The following CCR3 variants were observed in gnomAD, a reference collection of about 807,000 sequenced individuals.
CCR3 encodes C-C motif chemokine receptor 3.
For missense variants in CCR3, 419 were observed against 437.5 expected, an observed-to-expected ratio of 0.96 and a Z score of 0.38; for synonymous variants, 203 against 179.2, an observed-to-expected ratio of 1.13 and a Z score of -1.06.
chr3:46,251,453 C>T (rs35893577), intron 1 of CCR3, among the ~76,000 whole-genome samples: 25,885 of 151,844 alleles, frequency 0.17, 2,765 homozygotes, highest in East Asian at 0.27. Flanking sequence ...AAAAAGAGGC[C>T]GCTTACTGGA....
intron 1 of CCR3, among the ~76,000 whole-genome samples, chr3:46,251,730 G>A (rs1700317724): frequency 6.6e-6 from 1 of 152,120 alleles, no homozygotes. Context: ...GATAAGGGTG[G>A]GGCTGTTTTA....
At chr3:46,263,158 C>T (rs1368032740) in intron 1 of CCR3, among the ~76,000 whole-genome samples, 2 of 152,222 alleles carry the variant, frequency 1.3e-5, no homozygotes, top group African/African-American at 4.8e-5. Flanking sequence ...ATTAAAGACA[C>T]TACCCTCAAA....
intron 2 of CCR3, among the ~76,000 whole-genome samples, chr3:46,234,878 C>G (rs907247181): frequency 1.3e-5 from 2 of 152,232 alleles, no homozygotes; most frequent in Non-Finnish European, 2.9e-5. Flanking sequence ...AATTCTAAGG[C>G]TACAGTGAGT....
exon 2 of CCR3, chr3:46,210,879 G>A (rs2125921727): frequency 6.6e-6 from 1 of 152,356 alleles, no homozygotes; most frequent in South Asian, 2.1e-4. Context: ...TTGAGGCTGG[G>A]AAGAGGTGGA....
intron 1 of CCR3, among the ~76,000 whole-genome samples, chr3:46,258,949 G>C (rs1327412808): frequency 1.3e-5 from 2 of 152,048 alleles, no homozygotes; most frequent in Non-Finnish European, 2.9e-5. Context: ...TAAGATTTAG[G>C]GCTACAATTC....
intron 2 of CCR3, among the ~76,000 whole-genome samples, chr3:46,233,084 G>T (rs1575491671): frequency 6.6e-6 from 1 of 152,228 alleles, no homozygotes; most frequent in Non-Finnish European, 1.5e-5. Context: ...ACGTGTCTCA[G>T]CCTCCCAAAG....
At chr3:46,216,370 T>A (rs1699774845) in intron 2 of CCR3, among the ~76,000 whole-genome samples, 1 of 152,170 alleles carries the variant, frequency 6.6e-6, no homozygotes, top group African/African-American at 2.4e-5. Context: ...GAAGAATAAT[T>A]GGTGTGCCTG....
In CCR3 at chr3:46,266,085, G is replaced by T; in HGVS notation, c.927G>T (p.Arg309=). Residue 309 remains arginine (R), a synonymous_variant, in exon 2 of 2, where the codon CGG becomes CGT. Coordinates refer to ENST00000395940, the MANE Select transcript of CCR3 (RefSeq NM_178329.3). ...VIYAFVGERF[R]KYLRHFFHRH... ...ACGCCTTTGTTGGAGAGAGGTTCCG[G>T]AAGTACCTGCGCCACTTCTTCCACA... 1 of 1,613,986 alleles carries T rather than the reference G, an allele frequency of 6.2e-7. No homozygotes were observed. The highest frequency in any genetic ancestry group is 8.5e-7 in the Non-Finnish European group (1 of 1,179,998).
chr3:46,228,738 A>T (rs1437272941), intron 2 of CCR3, among the ~76,000 whole-genome samples: 1 of 152,270 alleles, frequency 6.6e-6, no homozygotes, highest in Non-Finnish European at 1.5e-5. Flanking sequence ...ATGGTGGGTC[A>T]TATAATCTTG....
At chr3:46,248,707 CCTAATGGGTGTCAGGGT>C (rs1700248100) in intron 1 of CCR3, among the ~76,000 whole-genome samples, 1 of 151,988 alleles carries the variant, frequency 6.6e-6, no homozygotes, top group East Asian at 1.9e-4. Flanking sequence ...ATTTGCTGAG[CCTAATGGGTGTCAGGGT>C]CAGTCTAAGT....
intron 2 of CCR3, among the ~76,000 whole-genome samples, chr3:46,235,403 A>G (rs950984367): frequency 4.6e-5 from 7 of 152,216 alleles, no homozygotes; most frequent in African/African-American, 1.4e-4. Context: ...TTGGAGGCGC[A>G]CTTCCTACAA....
At chr3:46,228,835 G>A (rs114515123) in intron 2 of CCR3, among the ~76,000 whole-genome samples, 2 of 152,206 alleles carry the variant, frequency 1.3e-5, no homozygotes, top group African/African-American at 4.8e-5. Context: ...CTTGGCATGT[G>A]CCTGCTCATC....
intron 1 of CCR3, among the ~76,000 whole-genome samples, chr3:46,255,026 A>G (rs1700390998): frequency 6.6e-6 from 1 of 151,260 alleles, no homozygotes; most frequent in South Asian, 2.1e-4. Flanking sequence ...TCAACAGCAT[A>G]AAGTGTTCTC....
intron 1 of CCR3, among the ~76,000 whole-genome samples, chr3:46,262,649 A>ATTAT (rs765084283): frequency 2.6e-5 from 4 of 151,768 alleles, no homozygotes; most frequent in Middle Eastern, 3.4e-3. Context: ...TTAATTTTTA[A>ATTAT]TTATTTATTT....
At chr3:46,218,018 T>A (rs1474752431) in intron 2 of CCR3, among the ~76,000 whole-genome samples, 1 of 150,638 alleles carries the variant, frequency 6.6e-6, no homozygotes, top group East Asian at 1.9e-4. Flanking sequence ...AAAAGCTAAA[T>A]GAAACAAAAA....
Position 46,265,513 on chromosome 3 carries a change from A to G in CCR3, c.355A>G (p.Ser119Gly). 6.2e-7 allele frequency: 1 copy of G among 1,614,150 alleles called. No homozygotes were observed. The highest frequency in any genetic ancestry group is 8.5e-7 in the Non-Finnish European group (1 of 1,180,016). The change falls in exon 2 of 2, where the codon AGC becomes GGC. Residue 119 changes from serine to glycine, a missense_variant. Ser to Gly is a moderately conservative substitution (Grantham distance 56). Coordinates refer to ENST00000395940, the MANE Select transcript of CCR3 (RefSeq NM_178329.3). Reference sequence around the variant, plus strand: ...AGGGTTTTATCACACAGGCTTGTACAGCGAGATCTTTTTCATAATCCTGCT... The same window carrying G: ...AGGGTTTTATCACACAGGCTTGTACGGCGAGATCTTTTTCATAATCCTGCT... ...LSGFYHTGLY[S>G]EIFFIILLTI...
At chr3:46,214,654 A>T (rs1699753319) in intron 2 of CCR3, among the ~76,000 whole-genome samples, 1 of 152,100 alleles carries the variant, frequency 6.6e-6, no homozygotes, top group Non-Finnish European at 1.5e-5. Context: ...AGGAGCCCTG[A>T]TGTTCTGTGA....
chr3:46,255,478 T>C (rs535179258), intron 1 of CCR3, among the ~76,000 whole-genome samples: 2 of 152,302 alleles, frequency 1.3e-5, no homozygotes, highest in African/African-American at 4.8e-5. Flanking sequence ...CCTAAGCCAA[T>C]GTCTAGAAGA....
At chr3:46,259,742 T>C (rs1279280155) in intron 1 of CCR3, among the ~76,000 whole-genome samples, 1 of 152,194 alleles carries the variant, frequency 6.6e-6, no homozygotes, top group African/African-American at 2.4e-5. Context: ...GTATGTAGAA[T>C]TGATTTAGGA....
Sources: gnomAD v4.1 joint callset for allele counts (sites outside exome capture counted in the v4.1 genomes callset) on GRCh38, gnomAD v4.1.1 for gene constraint, MANE v1.5 for transcripts, NCBI Gene and HGNC (gene_info 2026-07-23, HGNC 2026-07-21) for gene names.